The following SLC30A7 variants were observed in gnomAD, a reference collection of about 807,000 sequenced individuals.
SLC30A7 encodes the protein zinc transporter 7.
In SLC30A7, 35 loss-of-function variants were observed where a neutral mutation model predicts 46.0. The observed-to-expected ratio is 0.76, with a 90% CI of 0.58 to 1.01. The LOEUF (loss-of-function observed/expected upper bound fraction) is 1.01, where lower values mean the gene tolerates loss of function less well. Among genes scored for constraint, SLC30A7 ranks in the 50% least tolerant of loss-of-function variants. SLC30A7 has a pLI of 0.00. For missense variants in SLC30A7, 464 were observed against 451.1 expected (o/e 1.03, Z -0.26); for synonymous variants, 147 against 157.8 (o/e 0.93, Z 0.51).
At chr1:100,915,482 T>C (rs1398592748) in intron 6 of SLC30A7, among the ~76,000 whole-genome samples, 2 of 152,158 alleles carry the variant, frequency 1.3e-5, no homozygotes, top group Non-Finnish European at 2.9e-5. Context: ...TCTCTGTTGC[T>C]ATGAGTTTGA....
In SLC30A7 at chr1:100,896,684, GA is replaced by G. The variant is rs752448828; in HGVS notation, c.182+17del. 3.1e-5 allele frequency: 50 copies of G among 1,610,594 alleles called. No individual in the cohort carries two copies. The highest frequency in any genetic ancestry group is 1.6e-4 in the Middle Eastern group (1 of 6,080). On this transcript the variant is annotated intron_variant, in intron 2 of 10. Coordinates refer to ENST00000357650, the MANE Select transcript of SLC30A7 (RefSeq NM_133496.5). ...TCTGGAGCAACTGGTAACCAAAGGG[GA>G]AAATGGTTTGGGCGGAAGCTGGGTG...
chr1:100,911,012 A>G (rs375834341), intron 3 of SLC30A7, 51 bp from the exon 4 acceptor site: 12 of 1,406,840 alleles, frequency 8.5e-6, no homozygotes, highest in Non-Finnish European at 1.2e-5. Context: ...TTACGATTTA[A>G]TTTTTAAGAA....
At chr1:100,992,926 T>C in the SLC30A7 span, among the ~76,000 whole-genome samples, 3 of 152,348 alleles carry the variant, frequency 2.0e-5, no homozygotes, top group East Asian at 1.9e-4. Context: ...AGCTTTTTCA[T>C]TGTTCTAATT....
rs756878427 is a variant in SLC30A7 at position 100,912,146 on chromosome 1, G to C, written c.419G>C (p.Arg140Thr). Residue 140 changes from arginine to threonine, a missense_variant, in exon 5 of 11, where the codon AGA becomes ACA. Physicochemically the swap from Arg to Thr is moderately conservative, Grantham distance 71. Transcript: ENST00000357650. ...ALAPPDVHHE[R>T]LLLVSILGFV... ...GCCCCTCCAGATGTCCACCATGAGA[G>C]ACTGCTTCTTGTTTCCATTCTTGGG... The C allele has an allele frequency of 6.2e-7, 1 of 1,613,904 alleles. No homozygotes were observed. The highest frequency in any genetic ancestry group is 1.3e-5 in the African/African-American group (1 of 75,020).
At chr1:100,962,246 T>C (rs1655589352) in intron 9 of SLC30A7, among the ~76,000 whole-genome samples, 1 of 152,176 alleles carries the variant, frequency 6.6e-6, no homozygotes, top group South Asian at 2.1e-4. Flanking sequence ...GGGGAGGTGA[T>C]GGTAAACAAG....
chr1:100,934,340 A>G (rs1018362559), intron 8 of SLC30A7, among the ~76,000 whole-genome samples: 1 of 152,228 alleles, frequency 6.6e-6, no homozygotes, highest in Non-Finnish European at 1.5e-5. Context: ...ATATAGAGAC[A>G]GGAAGTTATC....
intron 2 of SLC30A7, among the ~76,000 whole-genome samples, chr1:100,899,162 C>T (rs766722183): frequency 2.0e-5 from 3 of 152,182 alleles, no homozygotes; most frequent in Non-Finnish European, 4.4e-5. Context: ...CACCTTCCCA[C>T]TAGAACGTAA....
the SLC30A7 span, among the ~76,000 whole-genome samples, chr1:100,991,663 C>A: frequency 6.6e-6 from 1 of 151,580 alleles, no homozygotes; most frequent in Non-Finnish European, 1.5e-5. Context: ...GTGGCATGCA[C>A]CTGTAGTCCC....
intron 3 of SLC30A7, among the ~76,000 whole-genome samples, chr1:100,910,642 T>C (rs980092659): frequency 4.6e-5 from 7 of 152,280 alleles, no homozygotes; most frequent in Admixed American, 4.6e-4. Context: ...TAAGGAGTTC[T>C]TAGAAAAAGA....
intron 10 of SLC30A7, among the ~76,000 whole-genome samples, chr1:100,971,299 A>C (rs1265693386): frequency 6.6e-6 from 1 of 150,800 alleles, no homozygotes. Context: ...CTATTTTTCC[A>C]CCTTTCCTTT....
At chr1:100,932,168 A>T (rs894909850) in intron 8 of SLC30A7, among the ~76,000 whole-genome samples, 1 of 152,186 alleles carries the variant, frequency 6.6e-6, no homozygotes, top group South Asian at 2.1e-4. Context: ...TAATCCCAGC[A>T]CTTTGGGAGG....
chr1:100,925,051 T>G (rs1653204865), intron 8 of SLC30A7, among the ~76,000 whole-genome samples: 1 of 152,242 alleles, frequency 6.6e-6, no homozygotes, highest in South Asian at 2.1e-4. Flanking sequence ...TTGTGTGGAT[T>G]TAAGATAGGA....
At chr1:100,900,626 A>C (rs1192003057) in intron 2 of SLC30A7, among the ~76,000 whole-genome samples, 1 of 152,166 alleles carries the variant, frequency 6.6e-6, no homozygotes, top group Admixed American at 6.5e-5. Flanking sequence ...ATTTTTTTTA[A>C]AGTAAGGGAC....
Position 100,911,047 on chromosome 1 carries a change from C to G in SLC30A7, c.297-16C>G, listed in dbSNP as rs1419724312. 6.4e-7 allele frequency: 1 copy of G among 1,573,684 alleles called. No homozygotes were observed. Among genetic ancestry groups the G allele is most frequent in the South Asian group, 1.1e-5 (1 of 87,546 alleles). On this transcript the variant is annotated splice_polypyrimidine_tract_variant and intron_variant, in intron 3 of 10. Transcript: ENST00000357650. ...AATAACATAATAATTCAGTTATTTA[C>G]TTTGTTCCTCTTTAGGTATGTTAGA... is the stretch of plus-strand genomic sequence containing the variant.
At chr1:100,944,975 G>A (rs1316042325) in intron 8 of SLC30A7, among the ~76,000 whole-genome samples, 2 of 151,976 alleles carry the variant, frequency 1.3e-5, no homozygotes, top group East Asian at 1.9e-4. Context: ...TTTAATGATC[G>A]CCATTCTAAC....
chr1:100,966,429 GA>G (rs1432224927), intron 10 of SLC30A7, among the ~76,000 whole-genome samples: 2 of 151,488 alleles, frequency 1.3e-5, no homozygotes, highest in Non-Finnish European at 2.9e-5. Context: ...ACTAAAAATA[GA>G]AAAAATTAGC....
chr1:100,927,199 A>G (rs899293847), intron 8 of SLC30A7, among the ~76,000 whole-genome samples: 1 of 152,318 alleles, frequency 6.6e-6, no homozygotes, highest in South Asian at 2.1e-4. Context: ...GTTTAAAGCC[A>G]TATTTAATAG....
intron 8 of SLC30A7, among the ~76,000 whole-genome samples, chr1:100,933,296 T>C (rs1653774006): frequency 6.6e-6 from 1 of 152,072 alleles, no homozygotes; most frequent in Non-Finnish European, 1.5e-5. Context: ...TTTAGCTTTA[T>C]CACTTGTTAT....
In SLC30A7 at chr1:100,921,707, T is replaced by G; in HGVS notation, c.708T>G (p.Gly236=). ...TTGPSRQILQ[G]VFLHILADTL... Reference sequence around the variant, plus strand: ...ATTTTTATTATGGTTTATTTCTAGGTGTATTTTTACATATCCTAGCAGATA... The same window carrying G: ...ATTTTTATTATGGTTTATTTCTAGGGGTATTTTTACATATCCTAGCAGATA... Residue 236 remains glycine (G), a splice_region_variant and synonymous_variant, in exon 8 of 11, where the codon GGT becomes GGG. Transcript: ENST00000357650. The G allele has an allele frequency of 6.2e-7, 1 of 1,606,834 alleles. No individual in the cohort carries two copies. The highest frequency in any genetic ancestry group is 8.5e-7 in the Non-Finnish European group (1 of 1,175,010).
Sources: allele counts gnomAD v4.1 joint callset (sites outside exome capture counted in the v4.1 genomes callset), GRCh38; gene constraint gnomAD v4.1.1; transcripts MANE v1.5; gene names NCBI Gene and HGNC (gene_info 2026-07-23, HGNC 2026-07-21).